FLACC1: variants seen among roughly 807,000 people sequenced by gnomAD.
The protein encoded by FLACC1 is flagellum associated containing coiled-coil domains 1.
In FLACC1, 66 loss-of-function variants were observed where a neutral mutation model predicts 62.8. That is an observed-to-expected ratio of 1.05 (90% CI 0.86 to 1.29). The LOEUF (loss-of-function observed/expected upper bound fraction) is 1.29. FLACC1 is among the 50% of genes most tolerant of loss of function. The pLI is 0.00. For missense variants in FLACC1, 452 were observed against 489.1 expected, an observed-to-expected ratio of 0.92 and a Z score of 0.71; for synonymous variants, 156 against 161.0, an observed-to-expected ratio of 0.97 and a Z score of 0.24.
At chr2:201,303,411 C>T (rs1950031227) in intron 11 of FLACC1, among the ~76,000 whole-genome samples, 1 of 152,190 alleles carries the variant, frequency 6.6e-6, no homozygotes, top group South Asian at 2.1e-4. Flanking sequence ...AGACCAATAA[C>T]AGGCTCTGAA....
intron 1 of FLACC1, among the ~76,000 whole-genome samples, chr2:201,355,583 G>GGTGT (rs1440682317): frequency 6.6e-6 from 1 of 151,900 alleles, no homozygotes; most frequent in Non-Finnish European, 1.5e-5. Context: ...AGGCCTCACA[G>GGTGT]GTGTGGTGGC....
At position 201,312,072 on chromosome 2, in the gene FLACC1, C is replaced by CT. The variant is rs1465768518; in HGVS notation, c.676-2823dup. 2.6e-5 allele frequency among the ~76,000 whole-genome samples: 4 copies of CT among 152,264 alleles called. No individual in the cohort carries two copies. The East Asian group carries it at 7.7e-4, about 29-fold the overall frequency. ...CTTATTCAACATAGCACTGGAAGTA[C>CT]TAGCCAGAGCCATTAGGCAAGAGAA... On this transcript the variant is annotated intron_variant, in intron 9 of 14. Coordinates refer to ENST00000392257, the MANE Select transcript of FLACC1 (RefSeq NM_001127391.3).
intron 10 of FLACC1, 150 bp downstream of exon 10, chr2:201,309,001 T>G (rs1950159839): frequency 3.0e-6 from 2 of 675,992 alleles, no homozygotes; most frequent in Admixed American, 5.2e-5. Flanking sequence ...TTTGCTTTCA[T>G]GAAAACTCTG....
At chr2:201,293,110 C>A (rs1356579126) in intron 12 of FLACC1, among the ~76,000 whole-genome samples, 1 of 152,152 alleles carries the variant, frequency 6.6e-6, no homozygotes, top group Non-Finnish European at 1.5e-5. Flanking sequence ...TTAGACAGCT[C>A]CACGAGACAG....
chr2:201,329,660 G>C lies in FLACC1; in HGVS notation c.675+810C>G, dbSNP rs1950555276. On this transcript the variant is annotated intron_variant, in intron 9 of 14. Coordinates refer to ENST00000392257, the MANE Select transcript of FLACC1 (RefSeq NM_001127391.3). ...TCATAGAAACATGGATGGCTCTAGA[G>C]GCTATTATCCTAAAGCCAATTAACA... 2.0e-5 allele frequency among the ~76,000 whole-genome samples: 3 copies of C among 152,098 alleles called. No individual in the cohort carries two copies. The South Asian group carries it at 6.2e-4, about 32-fold the overall frequency.
chr2:201,334,270 A>G (rs1190492506), intron 7 of FLACC1, among the ~76,000 whole-genome samples: 1 of 152,170 alleles, frequency 6.6e-6, no homozygotes, highest in African/African-American at 2.4e-5. Context: ...GAGGTATCAC[A>G]TTTATTGATT....
chr2:201,308,695 T>C (rs889852092), intron 10 of FLACC1, among the ~76,000 whole-genome samples: 11 of 152,342 alleles, frequency 7.2e-5, no homozygotes, highest in African/African-American at 2.4e-4. Flanking sequence ...ATTTACCAAG[T>C]GTGACTTCCT....
chr2:201,306,992 C>T (rs932778975), intron 11 of FLACC1, among the ~76,000 whole-genome samples: 1 of 152,096 alleles, frequency 6.6e-6, no homozygotes, highest in African/African-American at 2.4e-5. Flanking sequence ...CCACTTCATG[C>T]CCACTGGAAT....
chr2:201,343,135 G>A (rs570310340), intron 6 of FLACC1, among the ~76,000 whole-genome samples: 2 of 152,286 alleles, frequency 1.3e-5, no homozygotes, highest in African/African-American at 2.4e-5. Context: ...ACAGCCCAGC[G>A]TCAGCCAACA....
At chr2:201,338,056 G>T in intron 7 of FLACC1, among the ~76,000 whole-genome samples, 1 of 152,118 alleles carries the variant, frequency 6.6e-6, no homozygotes, top group Non-Finnish European at 1.5e-5. Context: ...CCATTTGTTT[G>T]TGTCCTCTTC....
intron 7 of FLACC1, among the ~76,000 whole-genome samples, chr2:201,332,540 G>A (rs1234223388): frequency 3.9e-5 from 6 of 152,044 alleles, no homozygotes; most frequent in Admixed American, 6.6e-5. Flanking sequence ...GAGCCACTGC[G>A]CCCAGCCTAA....
intron 9 of FLACC1, among the ~76,000 whole-genome samples, chr2:201,317,456 C>T (rs1450461456): frequency 1.3e-5 from 2 of 151,954 alleles, no homozygotes; most frequent in African/African-American, 2.4e-5. Flanking sequence ...ACAATAGCTG[C>T]AAAAGAAAAA....
At chr2:201,335,255 TG>T (rs1242675287) in intron 7 of FLACC1, among the ~76,000 whole-genome samples, 3 of 150,620 alleles carry the variant, frequency 2.0e-5, no homozygotes, top group African/African-American at 7.2e-5. Context: ...ATTTTTATAT[TG>T]TTTTTCTAGA....
chr2:201,325,134 A>G (rs975340585), intron 9 of FLACC1, among the ~76,000 whole-genome samples: 1 of 152,164 alleles, frequency 6.6e-6, no homozygotes, highest in Non-Finnish European at 1.5e-5. Context: ...ACTGTCTCAA[A>G]AAACTAAAAA....
At chr2:201,313,443 C>T (rs551345138) in intron 9 of FLACC1, among the ~76,000 whole-genome samples, 18 of 152,162 alleles carry the variant, frequency 1.2e-4, no homozygotes, top group Non-Finnish European at 1.8e-4. Context: ...TGCCAGTTTA[C>T]CCCTACTTCC....
At chr2:201,364,094 T>G in the FLACC1 span, among the ~76,000 whole-genome samples, 1 of 152,140 alleles carries the variant, frequency 6.6e-6, no homozygotes, top group African/African-American at 2.4e-5. Context: ...ATATACTCAG[T>G]CACATTGGCC....
At chr2:201,306,092 A>G in intron 11 of FLACC1, among the ~76,000 whole-genome samples, 1 of 116,568 alleles carries the variant, frequency 8.6e-6, no homozygotes, top group African/African-American at 2.9e-5. Context: ...ATAAATTAAA[A>G]AAAGAATAAA....
At chr2:201,341,100 T>C (rs1950798484) in intron 7 of FLACC1, among the ~76,000 whole-genome samples, 1 of 148,942 alleles carries the variant, frequency 6.7e-6, no homozygotes, top group South Asian at 2.1e-4. Flanking sequence ...TTTAATTTGA[T>C]TGAATTTGAT....
chr2:201,333,938 T>C (rs954776325), intron 7 of FLACC1, among the ~76,000 whole-genome samples: 2 of 152,178 alleles, frequency 1.3e-5, no homozygotes, highest in African/African-American at 2.4e-5. Context: ...GATGGCTGGA[T>C]CAAATGGTAT....
Sources: gnomAD v4.1 joint callset for allele counts (sites outside exome capture counted in the v4.1 genomes callset) on GRCh38, gnomAD v4.1.1 for gene constraint, MANE v1.5 for transcripts, NCBI Gene and HGNC (gene_info 2026-07-23, HGNC 2026-07-21) for gene names.